The following ASCC3 variants were observed in gnomAD, a reference collection of about 807,000 sequenced individuals.
The protein encoded by ASCC3 is activating signal cointegrator 1 complex subunit 3.
ASCC3 carries 158 observed loss-of-function variants against 256.3 expected under a neutral mutation model. The ratio of observed to expected loss-of-function variants is 0.62; its 90% CI spans 0.54 to 0.70. The LOEUF (loss-of-function observed/expected upper bound fraction) is 0.70. Ranked by LOEUF, ASCC3 falls within the 30% of genes least tolerant of loss-of-function variation. The pLI is 0.00. For missense variants in ASCC3, 2,259 were observed against 2,626.0 expected (o/e 0.86, Z 3.05); for synonymous variants, 948 against 883.4 (o/e 1.07, Z -1.30).
At chr6:100,829,273 G>A (rs1268350518) in intron 4 of ASCC3, among the ~76,000 whole-genome samples, 1 of 152,134 alleles carries the variant, frequency 6.6e-6, no homozygotes, top group Non-Finnish European at 1.5e-5. Flanking sequence ...GGGCACCGTG[G>A]AGCAGGGGGC....
chr6:100,574,144 G>C (rs926852838), intron 36 of ASCC3, among the ~76,000 whole-genome samples: 3 of 152,048 alleles, frequency 2.0e-5, no homozygotes, highest in Non-Finnish European at 4.4e-5. Flanking sequence ...TAAAAAATAC[G>C]GATCTATCTT....
chr6:100,579,092 CT>C (rs1433352919), intron 36 of ASCC3, among the ~76,000 whole-genome samples: 5 of 151,316 alleles, frequency 3.3e-5, no homozygotes, highest in African/African-American at 7.3e-5. Flanking sequence ...ACGTTGAGCA[CT>C]TTTTTTCCTA....
chr6:100,681,386 C>G (rs1379710938), intron 13 of ASCC3, among the ~76,000 whole-genome samples: 1 of 152,022 alleles, frequency 6.6e-6, no homozygotes, highest in Non-Finnish European at 1.5e-5. Flanking sequence ...TATCAGAGCT[C>G]TAACTTATTT....
intron 4 of ASCC3, among the ~76,000 whole-genome samples, chr6:100,837,968 T>A (rs1003279423): frequency 6.6e-6 from 1 of 152,092 alleles, no homozygotes; most frequent in African/African-American, 2.4e-5. Flanking sequence ...AATGTATACA[T>A]GTATTGAAAC....
chr6:100,735,803 A>G (rs1367352349), intron 10 of ASCC3, among the ~76,000 whole-genome samples: 1 of 152,184 alleles, frequency 6.6e-6, no homozygotes, highest in Non-Finnish European at 1.5e-5. Flanking sequence ...GTATGATACA[A>G]TTTTTATTAA....
intron 36 of ASCC3, among the ~76,000 whole-genome samples, chr6:100,583,845 C>T (rs372901170): frequency 1.3e-5 from 2 of 152,052 alleles, no homozygotes; most frequent in Admixed American, 6.5e-5. Flanking sequence ...TCGTTATGTA[C>T]CCAGTGGTCA....
At chr6:100,642,774 A>G (rs777560151) in intron 23 of ASCC3, 25 bp from the exon 24 acceptor site, 3 of 1,581,800 alleles carry the variant, frequency 1.9e-6, no homozygotes, top group East Asian at 2.2e-5. Flanking sequence ...AGTCAAAAAT[A>G]AATATGGATA....
chr6:100,730,695 C>G (rs908654766), intron 10 of ASCC3, among the ~76,000 whole-genome samples: 6 of 152,170 alleles, frequency 3.9e-5, no homozygotes, highest in Non-Finnish European at 4.4e-5. Context: ...GTTATACTAA[C>G]CTCTGATATA....
chr6:100,668,436 T>C (rs952382614), intron 14 of ASCC3, among the ~76,000 whole-genome samples: 10 of 151,948 alleles, frequency 6.6e-5, no homozygotes, highest in African/African-American at 2.4e-4. Context: ...GACAGAAAAC[T>C]CTAAAATGAT....
At chr6:100,541,096 TA>T (rs943770947) in intron 36 of ASCC3, among the ~76,000 whole-genome samples, 1 of 152,148 alleles carries the variant, frequency 6.6e-6, no homozygotes, top group African/African-American at 2.4e-5. Flanking sequence ...ACTGTTCTGT[TA>T]AAAAATAGAC....
intron 4 of ASCC3, among the ~76,000 whole-genome samples, chr6:100,837,642 T>A (rs1771939938): frequency 6.6e-6 from 1 of 152,000 alleles, no homozygotes; most frequent in Non-Finnish European, 1.5e-5. Context: ...GTAAGACAAA[T>A]ACTGTTTGAT....
intron 13 of ASCC3, among the ~76,000 whole-genome samples, chr6:100,703,624 T>C (rs1156463720): frequency 3.3e-5 from 5 of 152,022 alleles, no homozygotes; most frequent in Admixed American, 1.3e-4. Context: ...TTCTCTTTGA[T>C]AAATTTTCAT....
chr6:100,853,914 C>T (rs1182768387), intron 3 of ASCC3, among the ~76,000 whole-genome samples: 1 of 152,022 alleles, frequency 6.6e-6, no homozygotes, highest in African/African-American at 2.4e-5. Flanking sequence ...ACATTAGATA[C>T]AACAAAGTAC....
At chr6:100,538,017 GATT>G (rs1775250868) in intron 37 of ASCC3, among the ~76,000 whole-genome samples, 1 of 151,750 alleles carries the variant, frequency 6.6e-6, no homozygotes, top group Non-Finnish European at 1.5e-5. Context: ...AAATTTCCTA[GATT>G]ATTATATGGC....
chr6:100,844,696 G>A (rs994901304), intron 4 of ASCC3, among the ~76,000 whole-genome samples: 6 of 152,036 alleles, frequency 3.9e-5, no homozygotes, highest in African/African-American at 1.4e-4. Flanking sequence ...AGTCTTACCT[G>A]GAAAATTACA....
chr6:100,657,080 T>A (rs1168975484), intron 16 of ASCC3, among the ~76,000 whole-genome samples: 3 of 151,362 alleles, frequency 2.0e-5, no homozygotes, highest in African/African-American at 7.2e-5. Flanking sequence ...GTTAATTGTC[T>A]TTAGTTAGTT....
At chr6:100,726,740 GA>G (rs1779646758) in intron 10 of ASCC3, among the ~76,000 whole-genome samples, 1 of 151,994 alleles carries the variant, frequency 6.6e-6, no homozygotes. Flanking sequence ...AAAATGGCTA[GA>G]AAATAAAGTG....
chr6:100,583,413 T>G (rs569444756), intron 36 of ASCC3, among the ~76,000 whole-genome samples: 14 of 152,340 alleles, frequency 9.2e-5, no homozygotes, highest in Middle Eastern at 3.4e-3. Flanking sequence ...GTGTTGTATT[T>G]CTGTGGGATC....
intron 26 of ASCC3, 89 bp downstream of exon 26, chr6:100,631,038 TA>T: frequency 1.1e-6 from 1 of 935,718 alleles, no homozygotes; most frequent in Non-Finnish European, 1.7e-6. Context: ...AAAATCACTG[TA>T]AAACCATTCA....
Sources: gnomAD v4.1 joint callset for allele counts (sites outside exome capture counted in the v4.1 genomes callset) on GRCh38, gnomAD v4.1.1 for gene constraint, MANE v1.5 for transcripts, NCBI Gene and HGNC (gene_info 2026-07-23, HGNC 2026-07-21) for gene names.